Variants in SCNN1G observed in about 807,000 individuals in gnomAD.
The protein encoded by SCNN1G is epithelial sodium channel subunit gamma.
SCNN1G carries 27 observed loss-of-function variants against 64.6 expected under a neutral mutation model. That is an observed-to-expected ratio of 0.42 (90% confidence interval 0.31 to 0.58). SCNN1G has a LOEUF of 0.58. Among genes scored for constraint, SCNN1G ranks in the 20% least tolerant of loss-of-function variants. The pLI is 0.18. For synonymous variants in SCNN1G, 330 were observed against 314.2 expected (o/e 1.05, Z -0.53); for missense variants, 743 against 823.4 (o/e 0.90, Z 1.19).
chr16:23,212,979 C>T (rs1158517380), intron 10 of SCNN1G, 85 bp downstream of exon 10: 1 of 1,537,288 alleles, frequency 6.5e-7, no homozygotes, highest in African/African-American at 1.4e-5. Context: ...TGGCCTGGGA[C>T]ATGGTCCAGG....
intron 7 of SCNN1G, among the ~76,000 whole-genome samples, chr16:23,210,101 A>G (rs896985158): frequency 6.6e-6 from 1 of 152,204 alleles, no homozygotes. Flanking sequence ...CCTCCTAAGT[A>G]GGCCTTGGCA....
chr16:23,214,054 C>T lies in SCNN1G; in HGVS notation c.1494-658C>T, dbSNP rs1363290064. On this transcript the variant is annotated intron_variant, in intron 11 of 12. Transcript: ENST00000300061. ...GCTGAGTCATGGTCCAGTTCACCAT[C>T]GTCCTATCAAGAGGCAGTTTAGTGC... 2.0e-5 allele frequency among the ~76,000 whole-genome samples: 3 copies of T among 152,202 alleles called. No individual in the cohort carries two copies. The East Asian group carries it at 5.8e-4, about 29-fold the overall frequency.
intron 2 of SCNN1G, among the ~76,000 whole-genome samples, chr16:23,188,081 C>G (rs947091216): frequency 6.6e-6 from 1 of 152,136 alleles, no homozygotes; most frequent in African/African-American, 2.4e-5. Context: ...TAATAATTTA[C>G]TCAGCATCTA....
At chr16:23,215,001 C>A in intron 12 of SCNN1G, 88 bp from the exon 13 acceptor site, 1 of 1,510,124 alleles carries the variant, frequency 6.6e-7, no homozygotes, top group Non-Finnish European at 9.2e-7. Context: ...CGGGGCTGAC[C>A]CGTGGCTCCC....
intron 12 of SCNN1G, 75 bp from the exon 13 acceptor site, chr16:23,215,014 G>T: frequency 6.4e-7 from 1 of 1,568,132 alleles, no homozygotes; most frequent in East Asian, 2.2e-5. Flanking sequence ...TGGCTCCCTT[G>T]GGAATCAGGG....
chr16:23,199,595 GA>G (rs1959851886), intron 6 of SCNN1G, among the ~76,000 whole-genome samples: 2 of 149,326 alleles, frequency 1.3e-5, no homozygotes, highest in Admixed American at 1.3e-4. Flanking sequence ...TCTGTCAAGA[GA>G]AAAATGGTAT....
At chr16:23,190,837 T>A (rs1398731881) in intron 3 of SCNN1G, among the ~76,000 whole-genome samples, 1 of 125,478 alleles carries the variant, frequency 8.0e-6, no homozygotes, top group Non-Finnish European at 1.7e-5. Flanking sequence ...GGGGATTTTT[T>A]TTTTTTTTTT....
At chr16:23,208,657 CTCTT>C (rs1272344528) in intron 6 of SCNN1G, among the ~76,000 whole-genome samples, 2 of 140,592 alleles carry the variant, frequency 1.4e-5, no homozygotes, top group Non-Finnish European at 3.1e-5. Context: ...TTCTCTCTCT[CTCTT>C]TCTTTCTCTC....
intron 3 of SCNN1G, among the ~76,000 whole-genome samples, chr16:23,190,831 ATTTTTT>A (rs896029487): frequency 1.8e-5 from 1 of 56,230 alleles, no homozygotes; most frequent in Non-Finnish European, 3.1e-5. Flanking sequence ...ATTTGAGGGG[ATTTTTT>A]TTTTTTTTTT....
chr16:23,198,480 C>T (rs1342374679), intron 6 of SCNN1G, among the ~76,000 whole-genome samples: 1 of 152,194 alleles, frequency 6.6e-6, no homozygotes, highest in Non-Finnish European at 1.5e-5. Flanking sequence ...CCTATAATCC[C>T]AGCACTTTGG....
chr16:23,213,059 C>T (rs918191809), intron 10 of SCNN1G, 43 bp from the exon 11 acceptor site: 1 of 1,587,688 alleles, frequency 6.3e-7, no homozygotes, highest in African/African-American at 1.3e-5. Flanking sequence ...TGGCCCTAGC[C>T]TCTCAGGCAC....
chr16:23,208,449 G>A (rs958844609), intron 6 of SCNN1G, among the ~76,000 whole-genome samples: 2 of 152,080 alleles, frequency 1.3e-5, no homozygotes, highest in African/African-American at 4.8e-5. Flanking sequence ...CTACTCTGTT[G>A]AGCTTTCCTT....
rs757351078 is a variant in SCNN1G, at chr16:23,215,149, G to A, written c.1630G>A (p.Val544Ile). Residue 544 changes from valine (V) to isoleucine (I), a missense_variant, in exon 13 of 13, where the codon GTC becomes ATC. Physicochemically the swap from Val to Ile is conservative, Grantham distance 29. Coordinates refer to ENST00000300061, the MANE Select transcript of SCNN1G (RefSeq NM_001039.4). ...GGGCCTGTGGATGAGCTGCTCTGTT[G>A]TCTGCGTCATCGAGATCATCGAGGT... is the stretch of plus-strand genomic sequence containing the variant. ...QLGLWMSCSVVCVIEIIEVFF... is the reference protein window; with the variant it reads ...QLGLWMSCSVICVIEIIEVFF... 1 of 1,614,036 alleles carries A rather than the reference G, an allele frequency of 6.2e-7. No individual in the cohort carries two copies.
chr16:23,190,807 TC>T (rs1959694889), intron 3 of SCNN1G, among the ~76,000 whole-genome samples: 1 of 151,016 alleles, frequency 6.6e-6, no homozygotes, highest in Non-Finnish European at 1.5e-5. Flanking sequence ...GACTTCATTT[TC>T]CCTTTTGGTC....
chr16:23,189,014 G>T (rs528135394), intron 2 of SCNN1G, among the ~76,000 whole-genome samples: 6 of 152,250 alleles, frequency 3.9e-5, no homozygotes, highest in African/African-American at 1.2e-4. Context: ...CTCCTGGTTG[G>T]CAGTTATTTA....
At chr16:23,207,518 C>T (rs901308688) in intron 6 of SCNN1G, among the ~76,000 whole-genome samples, 6 of 152,214 alleles carry the variant, frequency 3.9e-5, no homozygotes, top group Non-Finnish European at 5.9e-5. Flanking sequence ...ATTTGCTACC[C>T]ATCTATTAAG....
At chr16:23,203,713 T>C (rs1306823314) in intron 6 of SCNN1G, among the ~76,000 whole-genome samples, 4 of 127,328 alleles carry the variant, frequency 3.1e-5, no homozygotes, top group Non-Finnish European at 6.2e-5. Flanking sequence ...GAGCTTGCGG[T>C]GAGCCGAGAT....
intron 4 of SCNN1G, 148 bp downstream of exon 4, chr16:23,192,690 G>T: frequency 1.4e-6 from 1 of 706,528 alleles, no homozygotes; most frequent in South Asian, 1.5e-5. Flanking sequence ...CTGCTTACAT[G>T]GGAGCTGTGT....
intron 6 of SCNN1G, among the ~76,000 whole-genome samples, chr16:23,201,446 C>T (rs1437004158): frequency 6.6e-6 from 1 of 152,056 alleles, no homozygotes; most frequent in South Asian, 2.1e-4. Context: ...TTCTGCTACA[C>T]CTAATTTAAG....
Sources: allele counts gnomAD v4.1 joint callset (sites outside exome capture counted in the v4.1 genomes callset), GRCh38; gene constraint gnomAD v4.1.1; transcripts MANE v1.5; gene names NCBI Gene and HGNC (gene_info 2026-07-23, HGNC 2026-07-21).